The following ACTR2 variants were observed in gnomAD, a reference collection of about 807,000 sequenced individuals.
ACTR2 encodes actin related protein 2, also known as actin-related protein 2.
A neutral mutation model predicts 50.2 loss-of-function variants in ACTR2; 5 were observed. The observed-to-expected ratio is 0.10, with a 90% CI of 0.05 to 0.21. The LOEUF (loss-of-function observed/expected upper bound fraction) is 0.21, where lower values mean the gene tolerates loss of function less well. ACTR2 is among the 10% of genes least tolerant of loss of function. ACTR2 has a pLI of 1.00. For synonymous variants in ACTR2, 140 were observed against 162.9 expected (o/e 0.86, Z 1.07); for missense variants, 180 against 480.6 (o/e 0.37, Z 5.85).
At chr2:65,244,537 A>G (rs1182412506) in intron 2 of ACTR2, among the ~76,000 whole-genome samples, 1 of 152,136 alleles carries the variant, frequency 6.6e-6, no homozygotes, top group Non-Finnish European at 1.5e-5. Context: ...TTGTTTTTTG[A>G]TGGATTTCAA....
chr2:65,267,294 C>T (rs146874727), intron 8 of ACTR2, among the ~76,000 whole-genome samples: 204 of 152,214 alleles, frequency 1.3e-3, no homozygotes, highest in Middle Eastern at 0.01. Flanking sequence ...GTACTTGTCA[C>T]GCCTACAAAG....
chr2:65,257,119 G>T (rs1225079136), intron 6 of ACTR2, among the ~76,000 whole-genome samples: 1 of 151,496 alleles, frequency 6.6e-6, no homozygotes, highest in African/African-American at 2.4e-5. Flanking sequence ...CACCCAACAG[G>T]CCCCATGTGT....
chr2:65,237,255 A>G (rs1671756792), intron 1 of ACTR2, among the ~76,000 whole-genome samples: 1 of 151,994 alleles, frequency 6.6e-6, no homozygotes, highest in Admixed American at 6.6e-5. Context: ...CTCTTACTAG[A>G]CTATGTATTA....
At chr2:65,253,486 A>G (rs17703416) in intron 4 of ACTR2, among the ~76,000 whole-genome samples, 49,089 of 151,798 alleles carry the variant, frequency 0.32, 8,549 homozygotes, top group East Asian at 0.68. Context: ...TTCAGTCCTC[A>G]GTCTCAGGGT....
intron 1 of ACTR2, among the ~76,000 whole-genome samples, chr2:65,238,005 A>C (rs1003507430): frequency 6.6e-6 from 1 of 151,742 alleles, no homozygotes; most frequent in Non-Finnish European, 1.5e-5. Context: ...AAAAATAATA[A>C]TGAAAATAAA....
intron 1 of ACTR2, among the ~76,000 whole-genome samples, chr2:65,230,492 A>C (rs993860573): frequency 8.2e-5 from 12 of 146,292 alleles, no homozygotes; most frequent in Non-Finnish European, 1.6e-4. Flanking sequence ...GCTCTCTGCA[A>C]CCTCTGCCTC....
intron 1 of ACTR2, 25 bp downstream of exon 1, chr2:65,227,982 G>C (rs1296979436): frequency 1.1e-5 from 16 of 1,491,514 alleles, no homozygotes; most frequent in South Asian, 2.5e-5. Context: ...AGGAGGCCTT[G>C]GCGGCCACAG....
chr2:65,243,900 C>G (rs372881025), intron 2 of ACTR2, among the ~76,000 whole-genome samples: 1 of 151,946 alleles, frequency 6.6e-6, no homozygotes, highest in Non-Finnish European at 1.5e-5. Flanking sequence ...CTGATCTGAT[C>G]ACTTATAACT....
chr2:65,248,398 T>C (rs1189967725), intron 3 of ACTR2, among the ~76,000 whole-genome samples: 1 of 151,786 alleles, frequency 6.6e-6, no homozygotes, highest in Non-Finnish European at 1.5e-5. Flanking sequence ...AGACTCAGTC[T>C]CAAAAAGAAA....
At chr2:65,262,394 A>ATTTTTTT (rs959959939) in intron 7 of ACTR2, among the ~76,000 whole-genome samples, 1 of 137,540 alleles carries the variant, frequency 7.3e-6, no homozygotes. Flanking sequence ...CATGCCCAGA[A>ATTTTTTT]TTTTTTTTTT....
intron 1 of ACTR2, among the ~76,000 whole-genome samples, chr2:65,237,224 G>A (rs183101893): frequency 3.3e-4 from 50 of 151,984 alleles, no homozygotes; most frequent in Non-Finnish European, 5.9e-4. Context: ...ATTTTTAATT[G>A]CCCTTTCCTT....
intron 2 of ACTR2, among the ~76,000 whole-genome samples, chr2:65,240,322 T>C (rs1388474782): frequency 1.3e-5 from 2 of 152,190 alleles, no homozygotes; most frequent in Non-Finnish European, 2.9e-5. Flanking sequence ...TATTTGTCAT[T>C]GTATGTGAGT....
Position 65,253,884 on chromosome 2 carries a change from C to T in ACTR2, c.585+20C>T. The T allele has an allele frequency of 6.3e-7, 1 of 1,594,004 alleles. No individual in the cohort carries two copies. Among genetic ancestry groups the T allele is most frequent in the Non-Finnish European group, 8.6e-7 (1 of 1,164,816 alleles). ...ATCAAGGTAAGTGAAAGGAAAATATCATGGAAATTAAATTTTGTAATTTGT... is the reference window on the plus strand; with the variant it reads ...ATCAAGGTAAGTGAAAGGAAAATATTATGGAAATTAAATTTTGTAATTTGT... On this transcript the variant is annotated intron_variant, in intron 5 of 8. Coordinates refer to ENST00000260641, the MANE Select transcript of ACTR2 (RefSeq NM_005722.4).
intron 4 of ACTR2, among the ~76,000 whole-genome samples, chr2:65,251,410 G>A (rs1437492483): frequency 1.3e-5 from 2 of 152,044 alleles, no homozygotes; most frequent in African/African-American, 2.4e-5. Context: ...TGCCCAGGCC[G>A]GAGTGCAATA....
chr2:65,240,017 A>G, intron 2 of ACTR2, 55 bp downstream of exon 2: 2 of 1,228,304 alleles, frequency 1.6e-6, no homozygotes, highest in Non-Finnish European at 2.4e-6. Flanking sequence ...TGTTCTTATA[A>G]AAGTAGTTTA....
chr2:65,268,070 C>T (rs1188228335), intron 8 of ACTR2, among the ~76,000 whole-genome samples: 4 of 151,636 alleles, frequency 2.6e-5, no homozygotes, highest in Non-Finnish European at 4.4e-5. Context: ...ATCTCCTGAC[C>T]TCGTGATCCG....
chr2:65,239,590 TG>T (rs974122300), intron 1 of ACTR2, among the ~76,000 whole-genome samples: 64 of 152,384 alleles, frequency 4.2e-4, no homozygotes, highest in African/African-American at 1.5e-3. Flanking sequence ...CTTAGCTCCC[TG>T]CTCTTATGAG....
intron 6 of ACTR2, 70 bp from the exon 7 acceptor site, chr2:65,261,176 CT>C: frequency 2.0e-6 from 3 of 1,497,926 alleles, no homozygotes; most frequent in Non-Finnish European, 2.8e-6. Flanking sequence ...TTTATAAGTA[CT>C]AGTGTTCCGG....
chr2:65,267,772 T>A (rs1338026009), intron 8 of ACTR2, among the ~76,000 whole-genome samples: 1 of 151,398 alleles, frequency 6.6e-6, no homozygotes, highest in Non-Finnish European at 1.5e-5. Context: ...AAAGTAAGCT[T>A]TGCTTAAAAG....
Sources: gnomAD v4.1 joint callset for allele counts (sites outside exome capture counted in the v4.1 genomes callset) on GRCh38, gnomAD v4.1.1 for gene constraint, MANE v1.5 for transcripts, NCBI Gene and HGNC (gene_info 2026-07-23, HGNC 2026-07-21) for gene names.